TMEM123: variants seen among roughly 807,000 people sequenced by gnomAD.
TMEM123 encodes transmembrane protein 123, also known as porimin.
TMEM123 carries 16 observed loss-of-function variants against 19.7 expected under a neutral mutation model. The observed-to-expected ratio is 0.81, with a 90% CI of 0.55 to 1.23. The LOEUF (loss-of-function observed/expected upper bound fraction) is 1.23. Among genes scored for constraint, TMEM123 ranks in the 50% most tolerant of loss-of-function variants. TMEM123 has a pLI of 0.00. For synonymous variants in TMEM123, 118 were observed against 99.4 expected (o/e 1.19, Z -1.12); for missense variants, 313 against 257.8 (o/e 1.21, Z -1.47).
At position 102,398,884 on chromosome 11, in the gene TMEM123, G is replaced by GTTCA. The variant is rs1439690511; in HGVS notation, c.606_609dup (p.His204Ter). 3 of 1,610,380 alleles carry GTTCA rather than the reference G, an allele frequency of 1.9e-6. No homozygotes were observed. In the African/African-American group the frequency reaches 4.0e-5, roughly 22 times the overall value. On this transcript the variant is annotated stop_gained and frameshift_variant, in exon 5 of 5. Coordinates refer to ENST00000398136, the MANE Select transcript of TMEM123 (RefSeq NM_052932.3). LOFTEE classifies it high-confidence loss of function. Reference sequence around the variant, plus strand: ...GGATTTCCTTAAATGATGGCATCATGTTCATCTCTGTAATATATTAAAAGT... The same window carrying GTTCA: ...GGATTTCCTTAAATGATGGCATCATGTTCATTCATCTCTGTAATATATTAAAAGT...
chr11:102,446,698 T>TG (rs1339327566), intron 2 of TMEM123, among the ~76,000 whole-genome samples: 1 of 152,210 alleles, frequency 6.6e-6, no homozygotes, highest in East Asian at 1.9e-4. Flanking sequence ...TCAAGGAACT[T>TG]GGAGACCAAA....
chr11:102,435,616 A>C (rs1199206342), intron 2 of TMEM123, among the ~76,000 whole-genome samples: 4 of 151,950 alleles, frequency 2.6e-5, no homozygotes, highest in African/African-American at 9.7e-5. Context: ...TCCACGCAAA[A>C]GTGTTTACAC....
intron 4 of TMEM123, 36 bp downstream of exon 4, chr11:102,401,503 A>AG: frequency 6.6e-7 from 1 of 1,518,210 alleles, no homozygotes; most frequent in African/African-American, 1.4e-5. Context: ...TGCACCAACA[A>AG]TTTTTTTTAA....
Position 102,402,067 on chromosome 11 carries a change from T to G in TMEM123, c.297A>C (p.Thr99=), listed in dbSNP as rs747837378. 34 of 1,613,528 alleles carry G rather than the reference T, an allele frequency of 2.1e-5. No homozygotes were observed. Among genetic ancestry groups the G allele is most frequent in the Middle Eastern group, 3.3e-4 (2 of 6,080 alleles). ...MKPTAASNTT[T]PGMVSTNMTS... The stretch of plus-strand genomic sequence containing the variant: ...TCATATTTGTTGAGACCATCCCTGG[T>G]GTTGTTGTATTAGATGCCGCTGTAG... Residue 99 remains threonine, a synonymous_variant, in exon 3 of 5, where the codon ACA becomes ACC. Coordinates refer to ENST00000398136, the MANE Select transcript of TMEM123 (RefSeq NM_052932.3).
At chr11:102,449,313 G>C (rs1302749754) in intron 1 of TMEM123, 2 of 153,106 alleles carry the variant, frequency 1.3e-5, no homozygotes, top group East Asian at 3.8e-4. Context: ...TACAATGGAG[G>C]GATAAAATAG....
At chr11:102,452,369 GT>G (rs901979941) in intron 1 of TMEM123, 154 bp downstream of exon 1, 1 of 571,694 alleles carries the variant, frequency 1.7e-6, no homozygotes, top group African/African-American at 1.9e-5. Context: ...CCAAACCTCA[GT>G]TTCCCCCACC....
chr11:102,448,153 C>G, intron 2 of TMEM123: 1 of 445,390 alleles, frequency 2.2e-6, no homozygotes, highest in Non-Finnish European at 4.5e-6. Context: ...ATTGGTGTAC[C>G]TTTTTCTAGT....
In TMEM123 at chr11:102,398,690, C is replaced by A; in HGVS notation, c.*177G>T. ...AAGGATCCAGATGTTTATTTCAAAA[C>A]CCAAACCCTTGTTACCTTGAAGAAT... On this transcript the variant is annotated 3_prime_UTR_variant, in exon 5 of 5. Coordinates refer to ENST00000398136, the MANE Select transcript of TMEM123 (RefSeq NM_052932.3). 1.5e-6 allele frequency: 1 copy of A among 647,118 alleles called. No individual in the cohort carries two copies. The highest frequency in any genetic ancestry group is 1.9e-5 in the African/African-American group (1 of 52,052). The allele number at this position is 647,118 out of a possible 1,614,324, so 40.1% of individuals were successfully genotyped here. A position where few individuals can be genotyped will look rare whatever the true frequency, so the allele number is the denominator to read the frequency against.
intron 2 of TMEM123, among the ~76,000 whole-genome samples, chr11:102,433,529 G>T (rs886598643): frequency 2.0e-5 from 3 of 151,820 alleles, no homozygotes; most frequent in African/African-American, 7.3e-5. Context: ...CAGGCTCATA[G>T]GTGGAAGGGA....
intron 2 of TMEM123, among the ~76,000 whole-genome samples, chr11:102,425,755 T>C (rs1056122126): frequency 9.2e-5 from 14 of 151,902 alleles, no homozygotes; most frequent in African/African-American, 3.4e-4. Context: ...AGCTAATTTT[T>C]GTATTTTTTG....
intron 2 of TMEM123, among the ~76,000 whole-genome samples, chr11:102,404,843 G>A (rs1317130748): frequency 2.0e-5 from 3 of 151,948 alleles, no homozygotes; most frequent in Non-Finnish European, 4.4e-5. Context: ...CAGGTGATCT[G>A]CCTGCCTTGG....
At chr11:102,421,172 T>C (rs1952083043) in intron 2 of TMEM123, among the ~76,000 whole-genome samples, 1 of 152,242 alleles carries the variant, frequency 6.6e-6, no homozygotes, top group Admixed American at 6.5e-5. Context: ...CCAAATACTC[T>C]TGATATGCCA....
chr11:102,430,488 T>C, intron 2 of TMEM123, among the ~76,000 whole-genome samples: 1 of 152,216 alleles, frequency 6.6e-6, no homozygotes, highest in Non-Finnish European at 1.5e-5. Flanking sequence ...CCTAGAGGTC[T>C]AGGACTGGAC....
intron 2 of TMEM123, among the ~76,000 whole-genome samples, chr11:102,443,901 C>T (rs1857854136): frequency 6.6e-6 from 1 of 152,152 alleles, no homozygotes; most frequent in South Asian, 2.1e-4. Context: ...TATGAACAGA[C>T]ACTTCTCAAA....
chr11:102,451,951 C>T (rs111329899), intron 1 of TMEM123, among the ~76,000 whole-genome samples: 10 of 152,212 alleles, frequency 6.6e-5, no homozygotes, highest in African/African-American at 1.7e-4. Flanking sequence ...ACCGCGAGGG[C>T]GGGGCGCGCT....
At chr11:102,402,284 G>A in intron 2 of TMEM123, 78 bp from the exon 3 acceptor site, 2 of 1,452,642 alleles carry the variant, frequency 1.4e-6, no homozygotes, top group Non-Finnish European at 1.9e-6. Flanking sequence ...GACTTTCATG[G>A]TCACAGACAA....
intron 2 of TMEM123, among the ~76,000 whole-genome samples, chr11:102,414,907 T>C (rs79456249): frequency 0.02 from 3,052 of 152,132 alleles, 117 homozygotes; most frequent in African/African-American, 0.07. Flanking sequence ...GAATGGCAAA[T>C]TGGATAAAGA....
intron 2 of TMEM123, among the ~76,000 whole-genome samples, chr11:102,440,705 C>T (rs1316707675): frequency 1.3e-5 from 2 of 152,172 alleles, no homozygotes; most frequent in East Asian, 3.8e-4. Flanking sequence ...ACAATATTAA[C>T]CTTAAATGTA....
chr11:102,412,550 G>A (rs1952014164), intron 2 of TMEM123, among the ~76,000 whole-genome samples: 1 of 151,986 alleles, frequency 6.6e-6, no homozygotes, highest in Non-Finnish European at 1.5e-5. Context: ...AGTATTGAAA[G>A]TAAGAGTAAA....
Sources: allele counts gnomAD v4.1 joint callset (sites outside exome capture counted in the v4.1 genomes callset), GRCh38; gene constraint gnomAD v4.1.1; transcripts MANE v1.5; gene names NCBI Gene and HGNC (gene_info 2026-07-23, HGNC 2026-07-21).